The following EEA1 variants were observed in gnomAD, a reference collection of about 807,000 sequenced individuals.
The protein encoded by EEA1 is early endosome antigen 1, 162kD.
Under a neutral mutation model 209.2 loss-of-function variants are expected in EEA1, and 111 were observed. The ratio of observed to expected loss-of-function variants is 0.53; its 90% CI spans 0.45 to 0.62. The LOEUF is 0.62. Ranked by LOEUF, EEA1 falls within the 20% of genes least tolerant of loss-of-function variation. The probability of loss-of-function intolerance (pLI) is 0.00; values close to 1 mark genes in which losing one functional copy is unlikely to be tolerated. For missense variants in EEA1, 1,343 were observed against 1,530.8 expected (o/e 0.88, Z 2.05); for synonymous variants, 536 against 540.6 (o/e 0.99, Z 0.12).
chr12:92,875,435 CA>C (rs1878841820), intron 2 of EEA1, among the ~76,000 whole-genome samples: 1 of 151,876 alleles, frequency 6.6e-6, no homozygotes, highest in Non-Finnish European at 1.5e-5. Flanking sequence ...TACTCTGTCT[CA>C]AAAAAGAAAA....
At chr12:92,858,937 G>T in intron 3 of EEA1, 1 of 704,750 alleles carries the variant, frequency 1.4e-6, no homozygotes. Context: ...GTGCCTTTGA[G>T]GAAAGGATTA....
chr12:92,785,448 A>C (rs1383819484), intron 22 of EEA1, among the ~76,000 whole-genome samples: 1 of 152,122 alleles, frequency 6.6e-6, no homozygotes, highest in Non-Finnish European at 1.5e-5. Flanking sequence ...TCTCTTATAC[A>C]CAAGACCATC....
At position 92,851,099 on chromosome 12, in the gene EEA1, G is replaced by T; in HGVS notation, c.798+12C>A. The stretch of plus-strand genomic sequence containing the variant: ...AATATGAATCACATTTAAGTACAAT[G>T]AACTTCATTACCTCTGAGCTAGCAT... On this transcript the variant is annotated intron_variant, in intron 9 of 28. Transcript: ENST00000322349. 1 of 1,612,306 alleles carries T rather than the reference G, an allele frequency of 6.2e-7. No homozygotes were observed. The highest frequency in any genetic ancestry group is 1.1e-5 in the South Asian group (1 of 90,876).
chr12:92,885,639 C>G (rs1045945563), intron 2 of EEA1, among the ~76,000 whole-genome samples: 5 of 152,268 alleles, frequency 3.3e-5, no homozygotes, highest in Middle Eastern at 3.4e-3. Context: ...CTCTAATGTT[C>G]CCCAGTTAAC....
intron 16 of EEA1, among the ~76,000 whole-genome samples, chr12:92,812,727 G>C (rs1002533290): frequency 6.6e-6 from 1 of 152,098 alleles, no homozygotes; most frequent in Admixed American, 6.5e-5. Context: ...CTAGGCTAGG[G>C]GAGAAGGACA....
At chr12:92,896,131 G>A (rs532933467) in intron 1 of EEA1, among the ~76,000 whole-genome samples, 3 of 151,998 alleles carry the variant, frequency 2.0e-5, no homozygotes, top group South Asian at 2.1e-4. Context: ...GTGCCACCAC[G>A]CCCAGCTAAT....
chr12:92,823,114 T>C (rs1876132390), intron 13 of EEA1, among the ~76,000 whole-genome samples: 1 of 152,222 alleles, frequency 6.6e-6, no homozygotes, highest in South Asian at 2.1e-4. Flanking sequence ...AACTGCTGCA[T>C]ATATTAGTCT....
chr12:92,826,418 G>C (rs983039299), intron 12 of EEA1, 133 bp from the exon 13 acceptor site: 2 of 765,710 alleles, frequency 2.6e-6, no homozygotes, highest in African/African-American at 1.8e-5. Flanking sequence ...AACTTTAAAA[G>C]TGGTACCTTG....
chr12:92,794,082 C>A (rs1032072529), intron 21 of EEA1, among the ~76,000 whole-genome samples: 10 of 152,284 alleles, frequency 6.6e-5, no homozygotes, highest in African/African-American at 2.4e-4. Flanking sequence ...TACGAACAGA[C>A]ACTTCTCAAA....
intron 11 of EEA1, among the ~76,000 whole-genome samples, chr12:92,832,111 A>T (rs911959073): frequency 8.6e-5 from 13 of 151,886 alleles, no homozygotes; most frequent in Non-Finnish European, 1.5e-4. Flanking sequence ...AAAAAAAAAA[A>T]ATATCCAATT....
At chr12:92,849,876 G>A (rs1877539136) in intron 9 of EEA1, among the ~76,000 whole-genome samples, 2 of 152,008 alleles carry the variant, frequency 1.3e-5, no homozygotes, top group Admixed American at 1.3e-4. Flanking sequence ...CTGAAAATAT[G>A]AAAATCAGAG....
intron 10 of EEA1, among the ~76,000 whole-genome samples, chr12:92,838,429 TC>T (rs1055622365): frequency 6.6e-6 from 1 of 152,150 alleles, no homozygotes; most frequent in African/African-American, 2.4e-5. Context: ...AGCTCTGGGT[TC>T]AAAGAAATTA....
intron 13 of EEA1, among the ~76,000 whole-genome samples, 185 bp from the exon 14 acceptor site, chr12:92,819,696 T>C (rs1209055542): frequency 6.6e-6 from 1 of 152,142 alleles, no homozygotes; most frequent in Admixed American, 6.5e-5. Flanking sequence ...AATATAAATC[T>C]ATATCATTAT....
At chr12:92,791,873 G>A (rs1456069666) in intron 21 of EEA1, among the ~76,000 whole-genome samples, 3 of 152,144 alleles carry the variant, frequency 2.0e-5, no homozygotes, top group Admixed American at 6.5e-5. Flanking sequence ...ATAATTGGAA[G>A]TAAAGCACTC....
At chr12:92,880,710 C>T (rs1879100716) in intron 2 of EEA1, among the ~76,000 whole-genome samples, 1 of 152,038 alleles carries the variant, frequency 6.6e-6, no homozygotes, top group Admixed American at 6.6e-5. Context: ...CTCCTGACCT[C>T]GTGATCAGCC....
Position 92,828,015 on chromosome 12 carries a change from T to A in EEA1, c.1301A>T (p.His434Leu). 6.3e-7 allele frequency: 1 copy of A among 1,596,336 alleles called. No homozygotes were observed. Among genetic ancestry groups the A allele is most frequent in the Non-Finnish European group, 8.5e-7 (1 of 1,172,958 alleles). The change falls in exon 12 of 29, where the codon CAT (histidine) becomes CTT (leucine). Residue 434 changes from histidine to leucine, a missense_variant. Physicochemically the swap from His to Leu is moderately conservative, Grantham distance 99 (BLOSUM62 -3). Coordinates refer to ENST00000322349, the MANE Select transcript of EEA1 (RefSeq NM_003566.4). Reference protein sequence around the residue: ...LETERQLGEAHGRLKEQRQLS... With the variant: ...LETERQLGEALGRLKEQRQLS... ...CTGTCTCTGTTCCTTCAGCCTACCA[T>A]GAGCTTCCCCTAGTTGGCGCTCTGT...
chr12:92,809,152 A>G lies in EEA1; in HGVS notation c.2204T>C (p.Leu735Pro). ...TTTAACTTCAAGACTATCAGCTTCT[A>G]GTTTCTATGAAAGAAATATGATATG... ...TEELEGQIKK[L>P]EADSLEVKAS... The change falls in exon 18 of 29, where the codon CTA becomes CCA. Residue 735 changes from leucine to proline, a missense_variant. Leu to Pro is a moderately conservative substitution (Grantham distance 98). This residue lies in a region of EEA1 where 1,307 missense variants were observed against 1,465.5 expected (regional missense o/e 0.89). Coordinates refer to ENST00000322349, the MANE Select transcript of EEA1 (RefSeq NM_003566.4). The G allele has an allele frequency of 6.4e-7, 1 of 1,559,174 alleles. No homozygotes were observed. The highest frequency in any genetic ancestry group is 1.4e-5 in the African/African-American group (1 of 72,590).
At chr12:92,821,980 T>G (rs1157330613) in intron 13 of EEA1, among the ~76,000 whole-genome samples, 3 of 150,314 alleles carry the variant, frequency 2.0e-5, no homozygotes, top group African/African-American at 7.3e-5. Flanking sequence ...TTCTGATCCA[T>G]GAGACATATA....
chr12:92,804,499 G>T (rs1875090968), intron 18 of EEA1, among the ~76,000 whole-genome samples: 1 of 150,338 alleles, frequency 6.7e-6, no homozygotes, highest in Non-Finnish European at 1.5e-5. Context: ...TTGAACCCAG[G>T]TGGCAGAGGT....
Sources: gnomAD v4.1 joint callset for allele counts (sites outside exome capture counted in the v4.1 genomes callset) on GRCh38, gnomAD v4.1.1 for gene constraint, gnomAD v4.1.1 regional missense constraint, MANE v1.5 for transcripts, NCBI Gene and HGNC (gene_info 2026-07-23, HGNC 2026-07-21) for gene names.